Variants in NRG1 observed in about 807,000 individuals in gnomAD.
NRG1 encodes pro-neuregulin-1, membrane-bound isoform.
Under a neutral mutation model 63.8 loss-of-function variants are expected in NRG1, and 18 were observed. That is an observed-to-expected ratio of 0.28 (90% CI 0.19 to 0.42). The LOEUF (loss-of-function observed/expected upper bound fraction) is 0.42. Among genes scored for constraint, NRG1 ranks in the 10% least tolerant of loss-of-function variants. NRG1 has a pLI of 1.00. For missense variants in NRG1, 762 were observed against 814.7 expected (o/e 0.94, Z 0.79); for synonymous variants, 302 against 301.3 (o/e 1.00, Z -0.02).
intron 1 of NRG1, among the ~76,000 whole-genome samples, chr8:32,168,953 C>G (rs1839693218): frequency 6.6e-6 from 1 of 152,274 alleles, no homozygotes; most frequent in Admixed American, 6.5e-5. Flanking sequence ...TTTGAAGCCT[C>G]CCATCTAATG....
chr8:32,269,548 G>A (rs1226471385), intron 1 of NRG1, among the ~76,000 whole-genome samples: 2 of 152,106 alleles, frequency 1.3e-5, no homozygotes, highest in Admixed American at 1.3e-4. Flanking sequence ...ACAAGGATGG[G>A]GCAGCAGCTT....
intron 1 of NRG1, among the ~76,000 whole-genome samples, chr8:32,383,188 G>A (rs1365164906): frequency 3.3e-5 from 5 of 152,202 alleles, no homozygotes; most frequent in African/African-American, 4.8e-5. Flanking sequence ...TGGCATTACT[G>A]CATTCCAGCC....
Position 32,747,732 on chromosome 8 carries a change from G to GTATATATATATATATA in NRG1, c.691+5010_691+5025dup, listed in dbSNP as rs35663919. Among the ~76,000 whole-genome samples, 111 of 132,112 alleles carry GTATATATATATATATA rather than the reference G, an allele frequency of 8.4e-4. No individual in the cohort carries two copies. In the East Asian group the frequency reaches 9.7e-3, roughly 11 times the overall value. 86.7% of individuals were successfully genotyped at this position (132,112 alleles called of 152,430 possible). Reference sequence around the variant, plus strand: ...TGTTTGTGTGCATATATGTGTGTGTGTATATATATATATATATATATATAT... The same window carrying GTATATATATATATATA: ...TGTTTGTGTGCATATATGTGTGTGTGTATATATATATATATATATATATATATATATATATATATAT... On this transcript the variant is annotated intron_variant, in intron 7 of 11. Coordinates refer to ENST00000356819, the Ensembl canonical transcript of NRG1.
rs545275263 is a variant in NRG1, at chr8:31,987,320, A to ATGTGTGTGTGTGTG, written c.37+347905_37+347918dup. Among the ~76,000 whole-genome samples the ATGTGTGTGTGTGTG allele has an allele frequency of 9.4e-3, 1,177 of 125,768 alleles. 30 individuals are homozygous for ATGTGTGTGTGTGTG. The highest frequency in any genetic ancestry group is 0.035 in the African/African-American group (1,096 of 31,296). 82.5% of individuals were successfully genotyped at this position (125,768 alleles called of 152,430 possible). On this transcript the variant is annotated intron_variant, in intron 1 of 10. Coordinates refer to the NRG1 transcript ENST00000519301. ...TCAAAAAAAAAAAAAAAACATATAT[A>ATGTGTGTGTGTGTG]TGTGTGTGTGTGTGTGTGTGTGTGT...
At chr8:31,756,906 A>G (rs542781335) in intron 1 of NRG1, among the ~76,000 whole-genome samples, 1 of 152,234 alleles carries the variant, frequency 6.6e-6, no homozygotes, top group South Asian at 2.1e-4. Context: ...TCTTTTAGCA[A>G]ACATTGAGGT....
chr8:32,373,485 G>C (rs924014575), intron 1 of NRG1, among the ~76,000 whole-genome samples: 3 of 6,120 alleles, frequency 4.9e-4, no homozygotes, highest in Non-Finnish European at 9.9e-4. Context: ...TCTCTACAAC[G>C]AGAAAAATGA....
intron 1 of NRG1, among the ~76,000 whole-genome samples, chr8:32,482,999 T>G (rs551863042): frequency 6.6e-6 from 1 of 152,358 alleles, no homozygotes; most frequent in Admixed American, 6.5e-5. Context: ...TTAGACAGCA[T>G]GAGGCTTAGG....
chr8:31,828,307 T>C (rs1024702818), intron 1 of NRG1, among the ~76,000 whole-genome samples: 1 of 152,232 alleles, frequency 6.6e-6, no homozygotes, highest in African/African-American at 2.4e-5. Context: ...TAACTTGCTT[T>C]TTACTCTTTT....
chr8:31,806,355 T>C (rs1822284646), intron 1 of NRG1, among the ~76,000 whole-genome samples: 1 of 152,176 alleles, frequency 6.6e-6, no homozygotes, highest in Non-Finnish European at 1.5e-5. Context: ...TATTGGCATA[T>C]AGTGTTCACT....
intron 1 of NRG1, among the ~76,000 whole-genome samples, chr8:32,206,659 T>G (rs1442888956): frequency 1.3e-5 from 2 of 152,174 alleles, no homozygotes; most frequent in African/African-American, 2.4e-5. Context: ...TTTTATAGAT[T>G]TAGGGGGTAC....
At chr8:31,827,509 C>T (rs1392988647) in intron 1 of NRG1, among the ~76,000 whole-genome samples, 1 of 151,994 alleles carries the variant, frequency 6.6e-6, no homozygotes, top group East Asian at 1.9e-4. Flanking sequence ...CTCATTTGGA[C>T]AAGATAAACA....
intron 5 of NRG1, among the ~76,000 whole-genome samples, chr8:32,722,312 A>G (rs1820866634): frequency 6.6e-6 from 1 of 152,214 alleles, no homozygotes; most frequent in Non-Finnish European, 1.5e-5. Flanking sequence ...GCTTTTTATC[A>G]GCAGTTTGCA....
At chr8:31,859,076 G>C (rs1828227625) in intron 1 of NRG1, among the ~76,000 whole-genome samples, 1 of 152,050 alleles carries the variant, frequency 6.6e-6, no homozygotes, top group African/African-American at 2.4e-5. Flanking sequence ...TTCTTATTTT[G>C]ATTAATAAAG....
At chr8:31,982,262 T>C (rs1023320567) in intron 1 of NRG1, among the ~76,000 whole-genome samples, 5 of 152,064 alleles carry the variant, frequency 3.3e-5, no homozygotes, top group African/African-American at 1.2e-4. Context: ...AGAATAGTCA[T>C]TCTTAGATCA....
At chr8:32,123,588 T>G (rs2131572942) in intron 1 of NRG1, among the ~76,000 whole-genome samples, 1 of 148,578 alleles carries the variant, frequency 6.7e-6, no homozygotes, top group South Asian at 2.1e-4. Flanking sequence ...ATATTATTTA[T>G]TATATACTTA....
rs544274520 is a variant in NRG1 at position 32,452,582 on chromosome 8, T to C, written c.38-143246T>C. 1.1e-4 allele frequency among the ~76,000 whole-genome samples: 16 copies of C among 152,310 alleles called. No homozygotes were observed. In the East Asian group the frequency reaches 2.9e-3, roughly 28 times the overall value. Reference sequence around the variant, plus strand: ...CCTAGGAAGATAAATTGGGGCTTAATTGTAAAAACCTTTGCATGCTATACT... The same window carrying C: ...CCTAGGAAGATAAATTGGGGCTTAACTGTAAAAACCTTTGCATGCTATACT... On this transcript the variant is annotated intron_variant, in intron 1 of 10. Transcript: ENST00000519301.
intron 1 of NRG1, among the ~76,000 whole-genome samples, chr8:31,719,851 T>C (rs1812726750): frequency 6.6e-6 from 1 of 151,976 alleles, no homozygotes; most frequent in South Asian, 2.1e-4. Flanking sequence ...ATTTTTTTTT[T>C]TAGTGAAGAC....
At chr8:31,644,988 TA>T (rs1217606752) in intron 1 of NRG1, among the ~76,000 whole-genome samples, 5 of 152,146 alleles carry the variant, frequency 3.3e-5, no homozygotes, top group Non-Finnish European at 7.4e-5. Context: ...AGCAATTTGT[TA>T]CCACCCCAAA....
At chr8:32,153,181 A>G (rs1563845698) in intron 1 of NRG1, among the ~76,000 whole-genome samples, 1 of 152,094 alleles carries the variant, frequency 6.6e-6, no homozygotes, top group Non-Finnish European at 1.5e-5. Context: ...GGTGGAAGAG[A>G]AGCAGAAGGC....
Sources: gnomAD v4.1 joint callset for allele counts (sites outside exome capture counted in the v4.1 genomes callset) on GRCh38, gnomAD v4.1.1 for gene constraint, MANE v1.5 for transcripts, NCBI Gene and HGNC (gene_info 2026-07-23, HGNC 2026-07-21) for gene names.